The following KIAA0319L variants were observed in gnomAD, a reference collection of about 807,000 sequenced individuals.
The protein encoded by KIAA0319L is KIAA0319 like, also known as dyslexia-associated protein KIAA0319-like protein.
A neutral mutation model predicts 120.1 loss-of-function variants in KIAA0319L; 55 were observed. The ratio of observed to expected loss-of-function variants is 0.46; its 90% CI spans 0.37 to 0.57. The LOEUF (loss-of-function observed/expected upper bound fraction) is 0.57, where lower values mean the gene tolerates loss of function less well. Among genes scored for constraint, KIAA0319L ranks in the 20% least tolerant of loss-of-function variants. The pLI, the probability that KIAA0319L is intolerant of heterozygous loss-of-function variation, is 0.00. For missense variants in KIAA0319L, 1,049 were observed against 1,255.3 expected, an observed-to-expected ratio of 0.84 and a Z score of 2.48; for synonymous variants, 398 against 471.9, an observed-to-expected ratio of 0.84 and a Z score of 2.03.
intron 2 of KIAA0319L, among the ~76,000 whole-genome samples, chr1:35,516,060 T>C (rs1051095792): frequency 5.9e-5 from 9 of 152,026 alleles, no homozygotes; most frequent in Admixed American, 3.9e-4. Context: ...CAGTAATAAA[T>C]AGCCTACCAA....
chr1:35,479,909 A>G (rs942562424), intron 3 of KIAA0319L, among the ~76,000 whole-genome samples: 102 of 146,546 alleles, frequency 7.0e-4, no homozygotes, highest in Non-Finnish European at 1.4e-3. Flanking sequence ...TCTCAAAAAG[A>G]AAAAAAAAAA....
intron 2 of KIAA0319L, among the ~76,000 whole-genome samples, chr1:35,543,553 TATACC>T (rs1368507966): frequency 6.6e-6 from 1 of 152,154 alleles, no homozygotes; most frequent in Non-Finnish European, 1.5e-5. Context: ...ATATTCAAAA[TATACC>T]ATTCTCTTAA....
chr1:35,535,128 T>C (rs985217613), intron 2 of KIAA0319L, among the ~76,000 whole-genome samples: 18 of 94,832 alleles, frequency 1.9e-4, no homozygotes, highest in Non-Finnish European at 4.1e-4. Context: ...AAAAAAAGAA[T>C]AACAGTACCC....
intron 4 of KIAA0319L, among the ~76,000 whole-genome samples, chr1:35,476,795 C>A (rs1643908699): frequency 6.6e-6 from 1 of 152,074 alleles, no homozygotes; most frequent in African/African-American, 2.4e-5. Flanking sequence ...CAAAGGACAC[C>A]CTGAAAAATT....
intron 12 of KIAA0319L, among the ~76,000 whole-genome samples, chr1:35,452,979 T>C (rs1642175903): frequency 6.6e-6 from 1 of 152,232 alleles, no homozygotes; most frequent in South Asian, 2.1e-4. Flanking sequence ...TTCAGTTGCA[T>C]TAGTTATGCT....
intron 19 of KIAA0319L, among the ~76,000 whole-genome samples, chr1:35,441,892 C>T (rs2149074700): frequency 6.6e-6 from 1 of 152,266 alleles, no homozygotes; most frequent in East Asian, 1.9e-4. Context: ...GCGGGCTATG[C>T]TGGTGAGGCT....
chr1:35,493,050 A>C (rs1161413926), intron 3 of KIAA0319L, among the ~76,000 whole-genome samples: 1 of 152,198 alleles, frequency 6.6e-6, no homozygotes. Context: ...CAGGGCAATA[A>C]GGCAAGAAAA....
Position 35,506,021 on chromosome 1 carries a change from C to T in KIAA0319L, c.666+591G>A, listed in dbSNP as rs566642126. 2.0e-5 allele frequency among the ~76,000 whole-genome samples: 3 copies of T among 152,286 alleles called. No homozygotes were observed. In the South Asian group the frequency reaches 6.2e-4, roughly 32 times the overall value. On this transcript the variant is annotated intron_variant, in intron 3 of 20. Coordinates refer to ENST00000325722, the MANE Select transcript of KIAA0319L (RefSeq NM_024874.5). This position sits in a 1 kb window ranked among gnomAD's most constrained non-coding sequence, Gnocchi z 4.0. ...CTTTTAATCATTTCCCCAAGGAGAT[C>T]AACAATGAAGAAACATAATAAGCAG...
At chr1:35,485,140 T>C (rs188682198) in intron 3 of KIAA0319L, among the ~76,000 whole-genome samples, 4 of 152,214 alleles carry the variant, frequency 2.6e-5, no homozygotes, top group Admixed American at 6.5e-5. Flanking sequence ...TCTTATAATA[T>C]CTGGTTGAAA....
chr1:35,536,073 T>C (rs913166200), intron 2 of KIAA0319L, among the ~76,000 whole-genome samples: 7 of 152,202 alleles, frequency 4.6e-5, no homozygotes, highest in African/African-American at 1.4e-4. Context: ...TGTTAATTAA[T>C]TTCCTTGGCT....
chr1:35,490,653 T>TA (rs999092311), intron 3 of KIAA0319L, among the ~76,000 whole-genome samples: 10 of 152,124 alleles, frequency 6.6e-5, no homozygotes, highest in Admixed American at 5.9e-4. Context: ...TTATAAGACA[T>TA]AAAAAAGACC....
At chr1:35,543,704 C>T (rs1646878483) in intron 2 of KIAA0319L, among the ~76,000 whole-genome samples, 1 of 152,092 alleles carries the variant, frequency 6.6e-6, no homozygotes, top group African/African-American at 2.4e-5. Flanking sequence ...TTCAGGAATA[C>T]AGGCAGGTAT....
At chr1:35,553,588 G>A (rs959297142) in intron 2 of KIAA0319L, among the ~76,000 whole-genome samples, 1 of 152,234 alleles carries the variant, frequency 6.6e-6, no homozygotes, top group Non-Finnish European at 1.5e-5. Context: ...TATCCCAGAT[G>A]GTGGTCTCTA....
At chr1:35,524,491 G>A (rs1246573085) in intron 2 of KIAA0319L, among the ~76,000 whole-genome samples, 1 of 152,208 alleles carries the variant, frequency 6.6e-6, no homozygotes, top group East Asian at 1.9e-4. Flanking sequence ...CATGTTCAAT[G>A]AGGGAAGAAA....
chr1:35,467,165 G>A (rs2149117881), intron 6 of KIAA0319L, among the ~76,000 whole-genome samples: 1 of 151,418 alleles, frequency 6.6e-6, no homozygotes, highest in Non-Finnish European at 1.5e-5. Flanking sequence ...AACAACAGAA[G>A]GGATTTCAAA....
At chr1:35,462,238 G>T (rs1298934130) in intron 8 of KIAA0319L, among the ~76,000 whole-genome samples, 1 of 152,110 alleles carries the variant, frequency 6.6e-6, no homozygotes, top group Non-Finnish European at 1.5e-5. Context: ...AAGCTCCTCA[G>T]TCAGGCCTCC....
chr1:35,515,366 C>T (rs1315757403), intron 2 of KIAA0319L, among the ~76,000 whole-genome samples: 3 of 149,492 alleles, frequency 2.0e-5, no homozygotes, highest in Admixed American at 6.7e-5. Context: ...TAGACCACAA[C>T]ACAATGAAAA....
At chr1:35,508,319 A>G (rs1396704369) in intron 2 of KIAA0319L, among the ~76,000 whole-genome samples, 1 of 152,232 alleles carries the variant, frequency 6.6e-6, no homozygotes, top group Admixed American at 6.5e-5. Flanking sequence ...TATGCAATAG[A>G]ATCAAAACAC....
chr1:35,486,245 G>A (rs935556448), intron 3 of KIAA0319L, among the ~76,000 whole-genome samples: 9 of 152,064 alleles, frequency 5.9e-5, no homozygotes, highest in East Asian at 3.9e-4. Context: ...TTAGCTGGAC[G>A]TGGTGGTGCG....
Sources: allele counts gnomAD v4.1 joint callset (sites outside exome capture counted in the v4.1 genomes callset), GRCh38; gene constraint gnomAD v4.1.1; non-coding constraint Gnocchi (gnomAD v3.1); transcripts MANE v1.5; gene names NCBI Gene and HGNC (gene_info 2026-07-23, HGNC 2026-07-21).